The following ASXL2 variants were observed in gnomAD, a reference collection of about 807,000 sequenced individuals.
The protein encoded by ASXL2 is putative Polycomb group protein ASXL2.
In ASXL2, 23 loss-of-function variants were observed where a neutral mutation model predicts 122.0. That is an observed-to-expected ratio of 0.19 (90% CI 0.14 to 0.27). The LOEUF (loss-of-function observed/expected upper bound fraction) is 0.27. ASXL2 is among the 10% of genes least tolerant of loss of function. The pLI is 1.00. For synonymous variants in ASXL2, 650 were observed against 637.0 expected, an observed-to-expected ratio of 1.02 and a Z score of -0.31; for missense variants, 1,518 against 1,713.8, an observed-to-expected ratio of 0.89 and a Z score of 2.02.
intron 5 of ASXL2, among the ~76,000 whole-genome samples, chr2:25,795,470 C>T (rs1028067192): frequency 9.8e-5 from 15 of 152,300 alleles, no homozygotes; most frequent in African/African-American, 3.4e-4. Flanking sequence ...AACACATTCA[C>T]CTCAAATTCT....
At chr2:25,750,630 A>G (rs2088028694) in intron 11 of ASXL2, among the ~76,000 whole-genome samples, 1 of 152,242 alleles carries the variant, frequency 6.6e-6, no homozygotes, top group Admixed American at 6.5e-5. Context: ...TGTGATATTA[A>G]GTAAATGACT....
chr2:25,744,156 G>A lies in ASXL2; in HGVS notation c.2181C>T (p.Pro727=). The stretch of plus-strand genomic sequence containing the variant: ...TTCCAGTTCCTGCCAGTTCCAGTGT[G>A]GGGCCCTTTCCAGTTTCACTGACTC... The part of the protein sequence containing the change: ...SDRVSETGKG[P]TLELAGTGSR... The change falls in exon 13 of 13, where the codon CCC becomes CCT. Residue 727 remains proline (P), a synonymous_variant. Coordinates refer to ENST00000435504, the MANE Select transcript of ASXL2 (RefSeq NM_018263.6). This position sits in a 1 kb window ranked among gnomAD's most constrained non-coding sequence, Gnocchi z 4.7. 6.2e-7 allele frequency: 1 copy of A among 1,613,990 alleles called. No homozygotes were observed. Among genetic ancestry groups the A allele is most frequent in the Non-Finnish European group, 8.5e-7 (1 of 1,179,882 alleles).
At chr2:25,753,100 TG>T (rs954999251) in intron 11 of ASXL2, among the ~76,000 whole-genome samples, 25 of 151,828 alleles carry the variant, frequency 1.6e-4, no homozygotes, top group African/African-American at 5.8e-4. Context: ...CCCAAGTAGC[TG>T]GGATCACAGG....
chr2:25,828,375 G>A (rs575414223), intron 3 of ASXL2, among the ~76,000 whole-genome samples: 30 of 151,772 alleles, frequency 2.0e-4, no homozygotes, highest in South Asian at 1.0e-3. Context: ...GCATGGTGGC[G>A]CATGCCTGTA....
At chr2:25,846,289 G>A (rs1383699695) in intron 1 of ASXL2, among the ~76,000 whole-genome samples, 1 of 152,186 alleles carries the variant, frequency 6.6e-6, no homozygotes, top group African/African-American at 2.4e-5. Context: ...CATGGGAGCA[G>A]CTGTGGTAAT....
chr2:25,856,523 C>A, intron 1 of ASXL2: 1 of 1,115,552 alleles, frequency 9.0e-7, no homozygotes, highest in Non-Finnish European at 1.4e-6. Flanking sequence ...CCAAGAGCCT[C>A]CTCAATCCTC....
chr2:25,775,973 T>A (rs1368451464), intron 5 of ASXL2, among the ~76,000 whole-genome samples: 2 of 152,224 alleles, frequency 1.3e-5, no homozygotes, highest in Non-Finnish European at 2.9e-5. Context: ...AAACTTTGGT[T>A]TTGCAATCCA....
At chr2:25,837,387 C>A (rs965094355) in intron 2 of ASXL2, among the ~76,000 whole-genome samples, 4 of 152,270 alleles carry the variant, frequency 2.6e-5, no homozygotes, top group African/African-American at 9.6e-5. Context: ...AAATTGCATA[C>A]AACTAGTCTC....
chr2:25,820,654 T>C (rs539325982), intron 3 of ASXL2, among the ~76,000 whole-genome samples: 1 of 152,264 alleles, frequency 6.6e-6, no homozygotes, highest in Non-Finnish European at 1.5e-5. Context: ...GATGAAAACA[T>C]TCTAAAACCG....
Position 25,738,347 on chromosome 2 carries a change from T to A in ASXL2, c.*3682A>T, listed in dbSNP as rs1042231318. ...CTACTGTTCTCTTTCAATAGGTTTG[T>A]AGGTATTGAAACATGGTAGGAAAGG... On this transcript the variant is annotated 3_prime_UTR_variant, in exon 13 of 13. Transcript: ENST00000435504. 2.6e-5 allele frequency: 4 copies of A among 152,188 alleles called. No homozygotes were observed. Among genetic ancestry groups the A allele is most frequent in the African/African-American group, 4.8e-5 (2 of 41,444 alleles). The allele number at this position is 152,188 out of a possible 1,614,324, so 9.4% of individuals were successfully genotyped here. A position where few individuals can be genotyped will look rare whatever the true frequency, so the allele number is the denominator to read the frequency against.
At chr2:25,864,970 T>A (rs2089884666) in intron 1 of ASXL2, among the ~76,000 whole-genome samples, 1 of 151,752 alleles carries the variant, frequency 6.6e-6, no homozygotes, top group Non-Finnish European at 1.5e-5. Context: ...TACAGGCGCC[T>A]GCCACCGCAC....
intron 1 of ASXL2, among the ~76,000 whole-genome samples, chr2:25,861,761 T>G (rs1263730411): frequency 6.6e-6 from 1 of 152,222 alleles, no homozygotes; most frequent in Non-Finnish European, 1.5e-5. Flanking sequence ...ACAATAAGCC[T>G]CTTGGGACAT....
At chr2:25,773,162 C>T (rs1041919777) in intron 5 of ASXL2, among the ~76,000 whole-genome samples, 14 of 150,246 alleles carry the variant, frequency 9.3e-5, no homozygotes, top group Non-Finnish European at 1.5e-4. Flanking sequence ...GAGCCGAGAT[C>T]GCACCGTTGC....
chr2:25,750,012 C>G lies in ASXL2; in HGVS notation c.1544G>C (p.Ser515Thr). Residue 515 changes from serine (S) to threonine (T), a missense_variant, in exon 12 of 13, where the codon AGT (serine) becomes ACT (threonine). Around this residue, in one of 8 missense-constraint regions of ASXL2, gnomAD observed 292 missense variants for 293.5 expected, o/e 1.00. Coordinates refer to ENST00000435504, the MANE Select transcript of ASXL2 (RefSeq NM_018263.6). ...TGTAACTAAAGATTCTTGGCTTTCA[C>G]TTTTGTTATAATTAGAAGCTGTGGT... ...HLTTASNYNK[S>T]ESQESLVTSP... is the part of the protein sequence containing the mutation. 4 of 1,614,008 alleles carry G rather than the reference C, an allele frequency of 2.5e-6. No individual in the cohort carries two copies. The highest frequency in any genetic ancestry group is 3.4e-6 in the Non-Finnish European group (4 of 1,179,882).
rs1048762347 is a variant in ASXL2 at position 25,878,443 on chromosome 2, T to C, written c.-221A>G. On this transcript the variant is annotated 5_prime_UTR_variant, in exon 1 of 13. Transcript: ENST00000435504. ...CTGCCGTTGCCACTGCTACCGCCGCTGCCATATTGGGTTCTTACTGTACAG... is the reference window on the plus strand; with the variant it reads ...CTGCCGTTGCCACTGCTACCGCCGCCGCCATATTGGGTTCTTACTGTACAG... 6 of 592,004 alleles carry C rather than the reference T, an allele frequency of 1.0e-5. No homozygotes were observed. The Admixed American group carries it at 1.2e-4, about 12-fold the overall frequency. 36.7% of individuals were successfully genotyped at this position (592,004 alleles called of 1,614,324 possible).
At chr2:25,853,097 C>G (rs1043363696) in intron 1 of ASXL2, among the ~76,000 whole-genome samples, 2 of 152,186 alleles carry the variant, frequency 1.3e-5, no homozygotes, top group African/African-American at 4.8e-5. Context: ...TCCCCCTTTC[C>G]ACCATGAGTG....
intron 1 of ASXL2, among the ~76,000 whole-genome samples, chr2:25,867,129 A>G (rs922219262): frequency 1.3e-5 from 2 of 151,790 alleles, no homozygotes; most frequent in Non-Finnish European, 2.9e-5. Flanking sequence ...CGAACTCCCA[A>G]CCTCAGGTGA....
intron 1 of ASXL2, among the ~76,000 whole-genome samples, chr2:25,849,852 A>C (rs942103254): frequency 4.6e-5 from 7 of 152,184 alleles, no homozygotes; most frequent in African/African-American, 9.6e-5. Context: ...AATTAGTTTT[A>C]ATTTAGAAAA....
chr2:25,878,086 T>C, intron 1 of ASXL2, 80 bp downstream of exon 1: 1 of 1,564,070 alleles, frequency 6.4e-7, no homozygotes, highest in Non-Finnish European at 8.8e-7. Context: ...CCTGGGCCAG[T>C]GACCTCCCTT....
Sources: gnomAD v4.1 joint callset for allele counts (sites outside exome capture counted in the v4.1 genomes callset) on GRCh38, gnomAD v4.1.1 for gene constraint, gnomAD v4.1.1 regional missense constraint, Gnocchi (gnomAD v3.1) non-coding constraint, MANE v1.5 for transcripts, NCBI Gene and HGNC (gene_info 2026-07-23, HGNC 2026-07-21) for gene names.